The following ACACA variants were observed in gnomAD, a reference collection of about 807,000 sequenced individuals.
The protein encoded by ACACA is acetyl-CoA carboxylase alpha.
In ACACA, 103 loss-of-function variants were observed where a neutral mutation model predicts 296.1. The observed-to-expected ratio is 0.35, with a 90% confidence interval of 0.30 to 0.41. The LOEUF (loss-of-function observed/expected upper bound fraction) is 0.41. ACACA is among the 10% of genes least tolerant of loss of function. The pLI, the probability that ACACA is intolerant of heterozygous loss-of-function variation, is 1.00. For missense variants in ACACA, 1,554 were observed against 2,989.7 expected, an observed-to-expected ratio of 0.52 and a Z score of 11.20; for synonymous variants, 953 against 1,038.6, an observed-to-expected ratio of 0.92 and a Z score of 1.58.
intron 23 of ACACA, among the ~76,000 whole-genome samples, chr17:37,240,913 C>T (rs1182110403): frequency 3.9e-5 from 6 of 152,248 alleles, no homozygotes; most frequent in South Asian, 4.1e-4. Flanking sequence ...TTCTGTGAGG[C>T]CGGTTGCCTT....
At chr17:37,300,788 G>A (rs1691301876) in intron 3 of ACACA, among the ~76,000 whole-genome samples, 1 of 152,146 alleles carries the variant, frequency 6.6e-6, no homozygotes, top group Admixed American at 6.6e-5. Context: ...GGAAGTCCTG[G>A]TTGTTCTCTG....
chr17:37,360,316 G>A (rs1225753881), intron 1 of ACACA: 2 of 152,192 alleles, frequency 1.3e-5, no homozygotes, highest in African/African-American at 4.8e-5. Context: ...AGTTTGGTAG[G>A]AAGAAGTTCC....
At chr17:37,316,587 A>G (rs891008283) in intron 3 of ACACA, among the ~76,000 whole-genome samples, 1 of 152,184 alleles carries the variant, frequency 6.6e-6, no homozygotes, top group African/African-American at 2.4e-5. Flanking sequence ...AACCTCGTAC[A>G]CTGTTGGTAG....
At chr17:37,387,891 G>T (rs1168606015) in intron 1 of ACACA, 3 of 152,158 alleles carry the variant, frequency 2.0e-5, no homozygotes, top group African/African-American at 7.2e-5. Context: ...GGCCAGGTGA[G>T]TTGGCTCACA....
At chr17:37,276,156 C>T (rs1293565918) in intron 7 of ACACA, 107 bp from the exon 8 acceptor site, 7 of 806,658 alleles carry the variant, frequency 8.7e-6, no homozygotes, top group Non-Finnish European at 1.5e-5. Flanking sequence ...CTTGTCCTCC[C>T]CCCACCCCTC....
intron 1 of ACACA, among the ~76,000 whole-genome samples, chr17:37,394,055 CTG>C (rs975564275): frequency 6.6e-6 from 1 of 152,086 alleles, no homozygotes; most frequent in Non-Finnish European, 1.5e-5. Context: ...AGGAGAACTC[CTG>C]TGTGGGCTTT....
intron 1 of ACACA, among the ~76,000 whole-genome samples, chr17:37,399,594 T>C (rs1192319381): frequency 1.3e-5 from 2 of 152,184 alleles, no homozygotes; most frequent in South Asian, 2.1e-4. Flanking sequence ...AATATATTTC[T>C]AGTTCACCTA....
chr17:37,203,532 T>A (rs1166582664), intron 33 of ACACA, among the ~76,000 whole-genome samples: 1 of 151,426 alleles, frequency 6.6e-6, no homozygotes, highest in Admixed American at 6.6e-5. Context: ...TCACCTGAGG[T>A]TGGGAGTTTA....
chr17:37,174,556 C>T (rs1014590412), intron 41 of ACACA, among the ~76,000 whole-genome samples: 2 of 151,518 alleles, frequency 1.3e-5, no homozygotes, highest in Non-Finnish European at 2.9e-5. Context: ...TTTTTTGAGA[C>T]GGAGTCTCAC....
chr17:37,265,544 C>T (rs1001365038), intron 10 of ACACA, among the ~76,000 whole-genome samples: 5 of 152,128 alleles, frequency 3.3e-5, no homozygotes, highest in African/African-American at 4.8e-5. Flanking sequence ...TGGCCCAACA[C>T]TCCCAATATT....
At chr17:37,193,352 T>C in intron 36 of ACACA, 22 bp downstream of exon 36, 1 of 1,555,976 alleles carries the variant, frequency 6.4e-7, no homozygotes, top group Non-Finnish European at 8.8e-7. Flanking sequence ...TTTTTTTAAA[T>C]AGGAAAGAAA....
At chr17:37,355,428 C>A (rs1291712151) in intron 1 of ACACA, among the ~76,000 whole-genome samples, 1 of 151,090 alleles carries the variant, frequency 6.6e-6, no homozygotes, top group Non-Finnish European at 1.5e-5. Context: ...TGGTGGCAGG[C>A]GCCTGTAATC....
At chr17:37,231,158 C>T (rs537980534) in intron 25 of ACACA, among the ~76,000 whole-genome samples, 1 of 151,672 alleles carries the variant, frequency 6.6e-6, no homozygotes, top group South Asian at 2.1e-4. Flanking sequence ...AGGCCGAGAC[C>T]GTTTGAGCAC....
In ACACA at chr17:37,252,059, A is replaced by G; in HGVS notation, c.2027T>C (p.Val676Ala). ...MLGVVCGALH[V>A]ADVSLRNSVS... is the part of the protein sequence containing the mutation. ...GCTATTCCGCAGGCTCACATCTGCC[A>G]CGTGGAGGGCACCACACACAACCCC... Residue 676 changes from valine to alanine, a missense_variant, in exon 16 of 56, where the codon GTG becomes GCG. By Grantham distance (64) the Val-to-Ala change is moderately conservative. Around this residue, in one of 16 missense-constraint regions of ACACA, gnomAD observed 316 missense variants for 540.9 expected, o/e 0.58. Transcript: ENST00000616317. 1 of 1,614,232 alleles carries G rather than the reference A, an allele frequency of 6.2e-7. No homozygotes were observed. The highest frequency in any genetic ancestry group is 8.5e-7 in the Non-Finnish European group (1 of 1,180,042).
At chr17:37,128,043 A>C (rs1387921501) in intron 47 of ACACA, among the ~76,000 whole-genome samples, 16 of 148,984 alleles carry the variant, frequency 1.1e-4, no homozygotes, top group Non-Finnish European at 1.5e-4. Context: ...AAAAAAAAAA[A>C]AAAAAAAAAA....
chr17:37,172,362 A>G (rs921102005), intron 41 of ACACA, among the ~76,000 whole-genome samples: 1 of 152,198 alleles, frequency 6.6e-6, no homozygotes, highest in African/African-American at 2.4e-5. Context: ...AACACCAATA[A>G]TAGTCATTCA....
intron 50 of ACACA, among the ~76,000 whole-genome samples, chr17:37,115,922 G>C (rs2074225557): frequency 6.6e-6 from 1 of 151,932 alleles, no homozygotes; most frequent in South Asian, 2.1e-4. Flanking sequence ...GTGAGTGGTG[G>C]AGATAAGACT....
intron 1 of ACACA, chr17:37,376,126 G>A (rs773317302): frequency 5.0e-6 from 8 of 1,612,980 alleles, no homozygotes; most frequent in Non-Finnish European, 5.1e-6. Context: ...CCTAATCATT[G>A]CATCCTATGA....
rs780140049 is a variant in ACACA, at chr17:37,277,013, A to G, written c.802+20T>C. ...GACAGAAAGAAACAGAAAGACGGAC[A>G]ATATGTCAGAACAGCTTACCCATGA... On this transcript the variant is annotated intron_variant, in intron 7 of 55. Transcript: ENST00000616317. 3 of 1,603,178 alleles carry G rather than the reference A, an allele frequency of 1.9e-6. No individual in the cohort carries two copies. Among genetic ancestry groups the G allele is most frequent in the African/African-American group, 1.3e-5 (1 of 74,678 alleles).
Sources: gnomAD v4.1 joint callset for allele counts (sites outside exome capture counted in the v4.1 genomes callset) on GRCh38, gnomAD v4.1.1 for gene constraint, gnomAD v4.1.1 regional missense constraint, MANE v1.5 for transcripts, NCBI Gene and HGNC (gene_info 2026-07-23, HGNC 2026-07-21) for gene names.